The following DYM variants were observed in gnomAD, a reference collection of about 807,000 sequenced individuals.
The protein encoded by DYM is dyggve-Melchior-Clausen syndrome protein.
A neutral mutation model predicts 93.1 loss-of-function variants in DYM; 78 were observed. The ratio of observed to expected loss-of-function variants is 0.84; its 90% CI spans 0.70 to 1.01. The LOEUF is 1.01. Among genes scored for constraint, DYM ranks in the 50% least tolerant of loss-of-function variants. The pLI is 0.00. For missense variants in DYM, 789 were observed against 845.0 expected (o/e 0.93, Z 0.82); for synonymous variants, 321 against 319.7 (o/e 1.00, Z -0.04).
At chr18:49,421,120 G>A in intron 2 of DYM, among the ~76,000 whole-genome samples, 1 of 152,196 alleles carries the variant, frequency 6.6e-6, no homozygotes, top group South Asian at 2.1e-4. Flanking sequence ...AGACTTAAAT[G>A]TCCATGTCTG....
intron 13 of DYM, among the ~76,000 whole-genome samples, chr18:49,233,388 G>A (rs923900614): frequency 1.0e-4 from 15 of 150,444 alleles, no homozygotes; most frequent in Admixed American, 7.3e-4. Flanking sequence ...AACACCTTTC[G>A]CAGAACAGTC....
chr18:49,322,979 G>T (rs1010942159), intron 8 of DYM, among the ~76,000 whole-genome samples: 7 of 152,126 alleles, frequency 4.6e-5, no homozygotes, highest in African/African-American at 1.7e-4. Flanking sequence ...TTCAATTCCA[G>T]GTCTACCTAA....
chr18:49,336,302 T>C (rs2063671633), intron 6 of DYM, among the ~76,000 whole-genome samples: 1 of 152,098 alleles, frequency 6.6e-6, no homozygotes, highest in Non-Finnish European at 1.5e-5. Context: ...AATACGTATT[T>C]AGAAAAAAGT....
chr18:49,210,823 C>T (rs1167141906), intron 13 of DYM, among the ~76,000 whole-genome samples: 1 of 152,108 alleles, frequency 6.6e-6, no homozygotes. Flanking sequence ...ATCACTTTTG[C>T]TGTGAACCTA....
intron 14 of DYM, among the ~76,000 whole-genome samples, chr18:49,194,728 C>G (rs944309259): frequency 6.6e-6 from 1 of 151,860 alleles, no homozygotes; most frequent in Non-Finnish European, 1.5e-5. Context: ...CTTAACAATA[C>G]TCTCATAAGT....
intron 6 of DYM, among the ~76,000 whole-genome samples, chr18:49,359,259 G>A (rs1011006242): frequency 6.6e-6 from 1 of 152,110 alleles, no homozygotes. Flanking sequence ...TTAAATTCTA[G>A]TGGGATCGAT....
intron 14 of DYM, among the ~76,000 whole-genome samples, chr18:49,186,211 C>T (rs2090418048): frequency 6.6e-6 from 1 of 152,116 alleles, no homozygotes; most frequent in Non-Finnish European, 1.5e-5. Flanking sequence ...GCTCTGCCCA[C>T]TGTCTTTTTT....
At chr18:49,228,736 G>C (rs2093612541) in intron 13 of DYM, among the ~76,000 whole-genome samples, 1 of 152,134 alleles carries the variant, frequency 6.6e-6, no homozygotes, top group Non-Finnish European at 1.5e-5. Context: ...GGTAAAAGTT[G>C]TAACTGTTGG....
Position 49,306,763 on chromosome 18 carries a change from T to C in DYM, c.764-20147A>G, listed in dbSNP as rs577908062. Among the ~76,000 whole-genome samples the C allele has an allele frequency of 2.6e-5, 4 of 152,358 alleles. No homozygotes were observed. In the South Asian group the frequency reaches 8.3e-4, roughly 32 times the overall value. On this transcript the variant is annotated intron_variant, in intron 8 of 17. Transcript: ENST00000675505. ...AGACTAAGCTTAAAGAGCACTCTAA[T>C]GGCTTTCTCAACAACCTGTGAATTA...
chr18:49,141,227 C>A (rs2084455294), intron 15 of DYM, among the ~76,000 whole-genome samples: 1 of 152,192 alleles, frequency 6.6e-6, no homozygotes, highest in Non-Finnish European at 1.5e-5. Flanking sequence ...TTCCAAGCCA[C>A]TGTAATCTCT....
chr18:49,084,162 T>C (rs183543833), intron 17 of DYM, among the ~76,000 whole-genome samples: 8 of 152,208 alleles, frequency 5.3e-5, no homozygotes, highest in Admixed American at 5.2e-4. Flanking sequence ...ATCTCACAAA[T>C]TTTGATATGC....
chr18:49,165,250 T>C (rs1455694576), intron 14 of DYM, among the ~76,000 whole-genome samples: 2 of 152,134 alleles, frequency 1.3e-5, no homozygotes, highest in African/African-American at 2.4e-5. Flanking sequence ...CTTATGTGCC[T>C]AATAAAAGAA....
intron 1 of DYM, among the ~76,000 whole-genome samples, chr18:49,433,364 G>A (rs765467409): frequency 4.6e-5 from 7 of 152,114 alleles, no homozygotes; most frequent in East Asian, 1.9e-4. Flanking sequence ...CATAGTATAC[G>A]ACTAAATTCA....
At chr18:49,361,403 G>C (rs1461452436) in intron 6 of DYM, among the ~76,000 whole-genome samples, 1 of 152,228 alleles carries the variant, frequency 6.6e-6, no homozygotes, top group Non-Finnish European at 1.5e-5. Flanking sequence ...TGGGGCCATA[G>C]ACAAATAGCA....
chr18:49,326,395 GATAA>G (rs1229116147), intron 8 of DYM, among the ~76,000 whole-genome samples: 1 of 150,656 alleles, frequency 6.6e-6, no homozygotes. Context: ...TATAACACAA[GATAA>G]ATATATTAAT....
chr18:49,211,341 G>T (rs1185902690), intron 13 of DYM, among the ~76,000 whole-genome samples: 1 of 152,004 alleles, frequency 6.6e-6, no homozygotes, highest in African/African-American at 2.4e-5. Context: ...CACATTTCAG[G>T]CCATTTAAAA....
intron 11 of DYM, among the ~76,000 whole-genome samples, chr18:49,270,457 T>A (rs1393444645): frequency 2.0e-5 from 3 of 152,096 alleles, no homozygotes; most frequent in African/African-American, 4.8e-5. Flanking sequence ...GAGATATAGG[T>A]CAAAGTTACA....
At chr18:49,251,866 T>C (rs1479615371) in intron 13 of DYM, among the ~76,000 whole-genome samples, 1 of 152,106 alleles carries the variant, frequency 6.6e-6, no homozygotes, top group Non-Finnish European at 1.5e-5. Flanking sequence ...GAGAAAGATC[T>C]AGATTATGAA....
chr18:49,340,054 C>T (rs771166349), intron 6 of DYM, among the ~76,000 whole-genome samples: 62 of 152,200 alleles, frequency 4.1e-4, no homozygotes, highest in Non-Finnish European at 8.8e-5. Context: ...GGATTCACGC[C>T]GTTCTCCTGC....
Sources: allele counts gnomAD v4.1 joint callset (sites outside exome capture counted in the v4.1 genomes callset), GRCh38; gene constraint gnomAD v4.1.1; transcripts MANE v1.5; gene names NCBI Gene and HGNC (gene_info 2026-07-23, HGNC 2026-07-21).